Variants in MSH4 observed in about 807,000 individuals in gnomAD.
MSH4 encodes the protein mutS homolog 4.
A neutral mutation model predicts 113.7 loss-of-function variants in MSH4; 106 were observed. The ratio of observed to expected loss-of-function variants is 0.93; its 90% CI spans 0.80 to 1.10. The LOEUF is 1.10. MSH4 is among the 50% of genes least tolerant of loss of function. MSH4 has a pLI of 0.00. For missense variants in MSH4, 1,061 were observed against 1,093.7 expected (o/e 0.97, Z 0.42); for synonymous variants, 368 against 380.2 (o/e 0.97, Z 0.37).
intron 17 of MSH4, among the ~76,000 whole-genome samples, chr1:75,894,594 G>T (rs1026028755): frequency 2.0e-5 from 3 of 152,166 alleles, no homozygotes; most frequent in African/African-American, 7.2e-5. Context: ...ACATCAGTTT[G>T]CCTTCTGTAT....
At chr1:75,810,394 T>C (rs917357712) in intron 3 of MSH4, among the ~76,000 whole-genome samples, 2 of 149,234 alleles carry the variant, frequency 1.3e-5, no homozygotes, top group Admixed American at 6.8e-5. Flanking sequence ...TGCACCACCA[T>C]GCTCGGGTAA....
At chr1:75,811,052 A>G (rs1650180571) in intron 4 of MSH4, among the ~76,000 whole-genome samples, 1 of 151,976 alleles carries the variant, frequency 6.6e-6, no homozygotes, top group African/African-American at 2.4e-5. Context: ...TTGTATTTTT[A>G]GTAGAAATGG....
chr1:75,858,320 G>A (rs1465286722), intron 8 of MSH4, among the ~76,000 whole-genome samples: 1 of 152,200 alleles, frequency 6.6e-6, no homozygotes. Context: ...GGAGTGGTGA[G>A]AAAGGGCATC....
chr1:75,865,894 C>A (rs1250391427), intron 8 of MSH4, among the ~76,000 whole-genome samples: 1 of 149,980 alleles, frequency 6.7e-6, no homozygotes, highest in Non-Finnish European at 1.5e-5. Context: ...GGCCATGTTT[C>A]TTTTCTTCCC....
Position 75,883,794 on chromosome 1 carries a change from G to T in MSH4, c.2080G>T (p.Ala694Ser), listed in dbSNP as rs935135534. 1 of 1,612,530 alleles carries T rather than the reference G, an allele frequency of 6.2e-7. No individual in the cohort carries two copies. The highest frequency in any genetic ancestry group is 8.5e-7 in the Non-Finnish European group (1 of 1,179,310). Residue 694 changes from alanine to serine, a missense_variant, in exon 15 of 20, where the codon GCT becomes TCT. Transcript: ENST00000263187. ...SGKSTYLKQI[A>S]LCQIMAQIGS... ...AAAATCCACATATTTAAAACAGATT[G>T]CTCTTTGTCAGATTATGGCCCAGAT...
chr1:75,886,848 T>G (rs1332706298), intron 15 of MSH4, among the ~76,000 whole-genome samples: 1 of 144,544 alleles, frequency 6.9e-6, no homozygotes, highest in African/African-American at 2.5e-5. Context: ...ATTATATATA[T>G]ATATATATTA....
chr1:75,876,264 A>C (rs1158944321), intron 9 of MSH4, among the ~76,000 whole-genome samples: 1 of 152,144 alleles, frequency 6.6e-6, no homozygotes, highest in Non-Finnish European at 1.5e-5. Flanking sequence ...GAAATATAAT[A>C]TTTAGAATGT....
rs572925744 is a variant in MSH4 at position 75,824,334 on chromosome 1, G to C, written c.1162+1753G>C. ...TTTTTGATGGGGTTGTTTTTTTCTT[G>C]TAAATGTTTTTAAGTTCCTTGTGGA... is the stretch of plus-strand genomic sequence containing the variant. On this transcript the variant is annotated intron_variant, in intron 7 of 19. Coordinates refer to ENST00000263187, the MANE Select transcript of MSH4 (RefSeq NM_002440.4). Among the ~76,000 whole-genome samples, 14 of 152,078 alleles carry C rather than the reference G, an allele frequency of 9.2e-5. No individual in the cohort carries two copies. The East Asian group carries it at 2.7e-3, about 29-fold the overall frequency.
chr1:75,811,426 A>G (rs990919933), intron 4 of MSH4, among the ~76,000 whole-genome samples: 1 of 152,228 alleles, frequency 6.6e-6, no homozygotes, highest in Non-Finnish European at 1.5e-5. Context: ...CCCATAGAGA[A>G]AGCATAAGTT....
chr1:75,857,750 GC>G (rs1651352716), intron 8 of MSH4, among the ~76,000 whole-genome samples: 1 of 151,632 alleles, frequency 6.6e-6, no homozygotes, highest in Admixed American at 6.6e-5. Flanking sequence ...GGCTATGCGG[GC>G]CCTTTTTTGG....
intron 9 of MSH4, among the ~76,000 whole-genome samples, chr1:75,870,373 G>C (rs1651685120): frequency 6.6e-6 from 1 of 152,200 alleles, no homozygotes. Context: ...GACTTTGGGA[G>C]ACTCTTTGGA....
intron 8 of MSH4, among the ~76,000 whole-genome samples, chr1:75,854,028 TGCATAA>T (rs1557510536): frequency 4.5e-5 from 6 of 134,054 alleles, no homozygotes; most frequent in East Asian, 2.6e-4. Flanking sequence ...TATATATATA[TGCATAA>T]ATATATAGAT....
intron 15 of MSH4, among the ~76,000 whole-genome samples, chr1:75,884,759 A>G (rs1407128063): frequency 6.6e-6 from 1 of 151,944 alleles, no homozygotes; most frequent in Admixed American, 6.6e-5. Context: ...TATTGGTGAT[A>G]CAGTATAAAT....
chr1:75,799,789 CTGGA>C (rs1446191064), intron 1 of MSH4, among the ~76,000 whole-genome samples: 7 of 152,070 alleles, frequency 4.6e-5, no homozygotes, highest in African/African-American at 1.7e-4. Context: ...GTTTTGGTGA[CTGGA>C]TAGATGGTAG....
chr1:75,836,248 T>C (rs1650824702), intron 7 of MSH4, among the ~76,000 whole-genome samples: 2 of 152,106 alleles, frequency 1.3e-5, no homozygotes, highest in African/African-American at 4.8e-5. Context: ...CTTTTCTCAC[T>C]GCTCTACTGG....
At chr1:75,883,494 C>T in intron 14 of MSH4, 127 bp from the exon 15 acceptor site, 2 of 719,776 alleles carry the variant, frequency 2.8e-6, no homozygotes, top group Non-Finnish European at 4.5e-6. Flanking sequence ...TAATATAGTA[C>T]CTTAATGTTA....
chr1:75,851,230 T>TCATTTTTC (rs1651180562), intron 8 of MSH4, among the ~76,000 whole-genome samples: 2 of 151,948 alleles, frequency 1.3e-5, no homozygotes, highest in South Asian at 4.1e-4. Flanking sequence ...GTTTTTTTTT[T>TCATTTTTC]CATTTTTCTC....
intron 7 of MSH4, among the ~76,000 whole-genome samples, chr1:75,835,229 G>A (rs532540574): frequency 1.3e-5 from 2 of 152,198 alleles, no homozygotes; most frequent in South Asian, 2.1e-4. Flanking sequence ...TTTAATTAGC[G>A]TAATTCCTTC....
intron 7 of MSH4, among the ~76,000 whole-genome samples, chr1:75,828,752 A>G (rs1265413856): frequency 6.6e-6 from 1 of 152,184 alleles, no homozygotes; most frequent in Non-Finnish European, 1.5e-5. Flanking sequence ...TTCAGCATCA[A>G]ACAATGTATC....
Sources: gnomAD v4.1 joint callset for allele counts (sites outside exome capture counted in the v4.1 genomes callset) on GRCh38, gnomAD v4.1.1 for gene constraint, MANE v1.5 for transcripts, NCBI Gene and HGNC (gene_info 2026-07-23, HGNC 2026-07-21) for gene names.